Variants in KCNN2 observed in about 807,000 individuals in gnomAD.
KCNN2 encodes potassium calcium-activated channel subfamily N member 2.
In KCNN2, 24 loss-of-function variants were observed where a neutral mutation model predicts 55.5. The observed-to-expected ratio is 0.43, with a 90% confidence interval of 0.31 to 0.61. KCNN2 has a LOEUF of 0.61. Among genes scored for constraint, KCNN2 ranks in the 20% least tolerant of loss-of-function variants. KCNN2 has a pLI of 0.08. For synonymous variants in KCNN2, 431 were observed against 336.1 expected, an observed-to-expected ratio of 1.28 and a Z score of -3.09; for missense variants, 754 against 853.6, an observed-to-expected ratio of 0.88 and a Z score of 1.45.
In KCNN2 at chr5:114,372,991, T is replaced by C. The variant is rs576970199; in HGVS notation, c.1218+8990T>C. Among the ~76,000 whole-genome samples, 5 of 152,278 alleles carry C rather than the reference T, an allele frequency of 3.3e-5. No homozygotes were observed. In the East Asian group the frequency reaches 9.6e-4, roughly 29 times the overall value. ...AGCATCTCTTGTGATTTCCTAAGGA[T>C]AAACTGCCAAGAGAGAAATTACTGA... On this transcript the variant is annotated intron_variant, in intron 2 of 7. Coordinates refer to ENST00000673685, the MANE Select transcript of KCNN2 (RefSeq NM_021614.4).
chr5:114,123,507 C>T lies in KCNN2; in HGVS notation c.-271+67007C>T, dbSNP rs1286497077. Among the ~76,000 whole-genome samples the T allele has an allele frequency of 4.2e-5, 5 of 119,138 alleles. 1 individual carries two copies. Among genetic ancestry groups the T allele is most frequent in the East Asian group, 2.0e-4 (1 of 5,090 alleles). 78.2% of individuals were successfully genotyped at this position (119,138 alleles called of 152,430 possible). The stretch of plus-strand genomic sequence containing the variant: ...CCTCCCGCGTAGCTGGGACTACAGG[C>T]GCCCGCCACCACGCCCGGCTAATTT... On this transcript the variant is annotated intron_variant, in intron 1 of 10. Coordinates refer to the KCNN2 transcript ENST00000512097.
At chr5:114,255,251 G>A (rs1167106719) in intron 2 of KCNN2, among the ~76,000 whole-genome samples, 2 of 152,132 alleles carry the variant, frequency 1.3e-5, no homozygotes, top group Admixed American at 6.5e-5. Flanking sequence ...CACGTGCATT[G>A]TAGTGTTGTA....
In KCNN2 at chr5:114,090,995, C is replaced by T. The variant is rs141920482; in HGVS notation, c.-271+34495C>T. On this transcript the variant is annotated intron_variant, in intron 1 of 10. Coordinates refer to the KCNN2 transcript ENST00000512097. The stretch of plus-strand genomic sequence containing the variant: ...TGGGACTACAGGCATGTACCATGCC[C>T]GGCTAATTTTATTTTATTTTATTTT... Among the ~76,000 whole-genome samples, 239 of 152,050 alleles carry T rather than the reference C, an allele frequency of 1.6e-3. 1 individual carries two copies. Among genetic ancestry groups the T allele is most frequent in the African/African-American group, 4.9e-3 (204 of 41,464 alleles).
chr5:114,290,939 C>G (rs939562768), intron 2 of KCNN2, among the ~76,000 whole-genome samples: 1 of 151,948 alleles, frequency 6.6e-6, no homozygotes. Context: ...GAAGCTAGAA[C>G]CATGTTTTAT....
intron 1 of KCNN2, among the ~76,000 whole-genome samples, chr5:114,157,811 G>T (rs907208323): frequency 1.1e-4 from 16 of 151,666 alleles, no homozygotes; most frequent in Non-Finnish European, 1.6e-4. Flanking sequence ...CTTCTTTTGA[G>T]AAGTGTCTGT....
intron 3 of KCNN2, among the ~76,000 whole-genome samples, chr5:114,448,896 G>A (rs939569011): frequency 2.3e-4 from 35 of 152,150 alleles, no homozygotes; most frequent in African/African-American, 6.3e-4. Context: ...GATCAGTGGC[G>A]CATATTTTTT....
intron 3 of KCNN2, among the ~76,000 whole-genome samples, chr5:114,460,482 G>C (rs1441991596): frequency 6.6e-6 from 1 of 152,118 alleles, no homozygotes; most frequent in African/African-American, 2.4e-5. Context: ...GACCTCAGGA[G>C]ATCCACCTAC....
At chr5:114,134,456 A>G in intron 1 of KCNN2, among the ~76,000 whole-genome samples, 2 of 101,486 alleles carry the variant, frequency 2.0e-5, no homozygotes, top group East Asian at 4.8e-4. Flanking sequence ...CAATCCAACC[A>G]TGATTTATTT....
intron 3 of KCNN2, among the ~76,000 whole-genome samples, chr5:114,427,754 A>C (rs1258260406): frequency 1.3e-5 from 2 of 152,210 alleles, no homozygotes; most frequent in African/African-American, 4.8e-5. Flanking sequence ...CCTTATTAAT[A>C]AGGTGGGGAA....
intron 1 of KCNN2, among the ~76,000 whole-genome samples, chr5:114,095,257 C>A (rs1751232171): frequency 6.6e-6 from 1 of 152,116 alleles, no homozygotes; most frequent in African/African-American, 2.4e-5. Flanking sequence ...TAAATAAATA[C>A]CTGCTTAATA....
At chr5:114,207,864 C>T (rs1439072299) in intron 1 of KCNN2, among the ~76,000 whole-genome samples, 1 of 152,164 alleles carries the variant, frequency 6.6e-6, no homozygotes, top group African/African-American at 2.4e-5. Flanking sequence ...GTTGTCTTAT[C>T]ACAGAGAATT....
chr5:114,402,301 A>C (rs772369965), intron 2 of KCNN2, among the ~76,000 whole-genome samples: 1 of 152,356 alleles, frequency 6.6e-6, no homozygotes, highest in South Asian at 2.1e-4. Flanking sequence ...TAGCAAGGGT[A>C]GTCTTGGTAG....
chr5:114,369,996 G>A (rs549339649), intron 2 of KCNN2, among the ~76,000 whole-genome samples: 3 of 152,224 alleles, frequency 2.0e-5, no homozygotes, highest in Non-Finnish European at 1.5e-5. Context: ...GTTAGGATAG[G>A]AAGTGGTTTT....
chr5:114,487,179 T>C lies in KCNN2; in HGVS notation c.2018+2T>C. On this transcript the variant is annotated splice_donor_variant, in intron 6 of 7. Coordinates refer to ENST00000673685, the MANE Select transcript of KCNN2 (RefSeq NM_021614.4). LOFTEE classifies it high-confidence loss of function. The stretch of plus-strand genomic sequence containing the variant: ...AAAATTCCTGCAAGCTATTCATCAG[T>C]AAGTATCATTTTTCATTTTTATCCT... 7 of 1,612,122 alleles carry C rather than the reference T, an allele frequency of 4.3e-6. No individual in the cohort carries two copies. The highest frequency in any genetic ancestry group is 5.9e-6 in the Non-Finnish European group (7 of 1,178,754).
At chr5:114,397,389 GTT>G in intron 2 of KCNN2, among the ~76,000 whole-genome samples, 1 of 152,028 alleles carries the variant, frequency 6.6e-6, no homozygotes, top group Admixed American at 6.6e-5. Context: ...GCATCTGTTA[GTT>G]TTTTATTTTT....
At chr5:114,093,820 C>T (rs1284472838) in intron 1 of KCNN2, among the ~76,000 whole-genome samples, 1 of 152,168 alleles carries the variant, frequency 6.6e-6, no homozygotes, top group Admixed American at 6.5e-5. Flanking sequence ...TCTCCCTTGA[C>T]AAGTGGGGAT....
intron 3 of KCNN2, among the ~76,000 whole-genome samples, chr5:114,413,822 G>A (rs1334271439): frequency 6.6e-6 from 1 of 152,150 alleles, no homozygotes; most frequent in Admixed American, 6.5e-5. Flanking sequence ...CTGATGTACA[G>A]ATTTCATGGA....
At chr5:114,059,727 G>A (rs1295708549) in intron 1 of KCNN2, among the ~76,000 whole-genome samples, 1 of 152,180 alleles carries the variant, frequency 6.6e-6, no homozygotes, top group East Asian at 1.9e-4. Flanking sequence ...GAGCTACTCT[G>A]AGAAGCCAGA....
At chr5:114,293,403 G>T (rs985616858) in intron 2 of KCNN2, among the ~76,000 whole-genome samples, 1 of 152,110 alleles carries the variant, frequency 6.6e-6, no homozygotes, top group Non-Finnish European at 1.5e-5. Context: ...TAGCATGAAG[G>T]GTTGTTGAAT....
Sources: gnomAD v4.1 joint callset for allele counts (sites outside exome capture counted in the v4.1 genomes callset) on GRCh38, gnomAD v4.1.1 for gene constraint, MANE v1.5 for transcripts, NCBI Gene and HGNC (gene_info 2026-07-23, HGNC 2026-07-21) for gene names.